IMPDH1: variants seen among roughly 807,000 people sequenced by gnomAD.
IMPDH1 encodes inosine monophosphate dehydrogenase 1.
IMPDH1 carries 41 observed loss-of-function variants against 73.5 expected under a neutral mutation model. The observed-to-expected ratio is 0.56, with a 90% confidence interval of 0.43 to 0.72. IMPDH1 has a LOEUF of 0.72. Ranked by LOEUF, IMPDH1 falls within the 30% of genes least tolerant of loss-of-function variation. The probability of loss-of-function intolerance (pLI) is 0.00; values close to 1 mark genes in which losing one functional copy is unlikely to be tolerated. For synonymous variants in IMPDH1, 318 were observed against 334.3 expected, an observed-to-expected ratio of 0.95 and a Z score of 0.53; for missense variants, 645 against 824.8, an observed-to-expected ratio of 0.78 and a Z score of 2.67.
At chr7:128,405,641 C>G (rs1306721556) in intron 4 of IMPDH1, 126 bp downstream of exon 4, 4 of 1,341,346 alleles carry the variant, frequency 3.0e-6, no homozygotes, top group Middle Eastern at 2.7e-4. Context: ...GTGCCCAGCC[C>G]CCAGCGCCCA....
chr7:128,403,616 C>T (rs1798492735), intron 5 of IMPDH1, 90 bp downstream of exon 5: 10 of 1,139,006 alleles, frequency 8.8e-6, no homozygotes, highest in Non-Finnish European at 1.2e-5. Context: ...AAAGTCTCTC[C>T]ATCTCTCCAT....
intron 4 of IMPDH1, 83 bp from the exon 5 acceptor site, chr7:128,403,837 G>T: frequency 8.2e-7 from 1 of 1,223,946 alleles, no homozygotes; most frequent in Non-Finnish European, 1.2e-6. Context: ...GGAGGCAGCA[G>T]GGGGGTACAG....
At chr7:128,403,285 G>A (rs560502532) in intron 5 of IMPDH1, among the ~76,000 whole-genome samples, 1 of 152,274 alleles carries the variant, frequency 6.6e-6, no homozygotes, top group East Asian at 1.9e-4. Context: ...ATACCAGCTG[G>A]GTGGAATCAC....
chr7:128,405,244 T>C (rs1218487796), intron 4 of IMPDH1, among the ~76,000 whole-genome samples: 2 of 152,130 alleles, frequency 1.3e-5, no homozygotes, highest in African/African-American at 4.8e-5. Context: ...AATTCGCGCC[T>C]TGGGAGGGGC....
rs1797924558 is a variant in IMPDH1 at position 128,396,527 on chromosome 7, ACTTGATATACAT to A, written c.1261+61_1261+72del. 8.8e-7 allele frequency: 1 copy of A among 1,136,674 alleles called. No individual in the cohort carries two copies. Among genetic ancestry groups the A allele is most frequent in the African/African-American group, 1.5e-5 (1 of 65,236 alleles). The allele number at this position is 1,136,674 out of a possible 1,614,324, so 70.4% of individuals were successfully genotyped here. ...CAGAACAGGGCCTGGCAGAGAGAGT[ACTTGATATACAT>A]CTGGGGAACAAAGGCGAGGCCCCGG... On this transcript the variant is annotated intron_variant, in intron 12 of 16. Transcript: ENST00000338791. This position sits in a 1 kb window ranked among gnomAD's most constrained non-coding sequence, Gnocchi z 4.0.
Position 128,396,543 on chromosome 7 carries a change from G to T in IMPDH1, c.1261+57C>A. On this transcript the variant is annotated intron_variant, in intron 12 of 16. Transcript: ENST00000338791. This position sits in a 1 kb window ranked among gnomAD's most constrained non-coding sequence, Gnocchi z 4.0. ...AGAGAGAGTACTTGATATACATCTG[G>T]GGAACAAAGGCGAGGCCCCGGGGCC... 1 of 1,263,474 alleles carries T rather than the reference G, an allele frequency of 7.9e-7. No homozygotes were observed. Among genetic ancestry groups the T allele is most frequent in the Non-Finnish European group, 1.1e-6 (1 of 885,976 alleles). 78.3% of individuals were successfully genotyped at this position (1,263,474 alleles called of 1,614,324 possible). A position where few individuals can be genotyped will look rare whatever the true frequency, so the allele number is the denominator to read the frequency against.
At chr7:128,401,226 A>T in intron 5 of IMPDH1, 110 bp from the exon 6 acceptor site, 1 of 771,000 alleles carries the variant, frequency 1.3e-6, no homozygotes, top group Non-Finnish European at 2.3e-6. Context: ...CATGGCAGTG[A>T]ACAAGGTGGA....
Position 128,400,075 on chromosome 7 carries a change from T to C in IMPDH1, c.874+20A>G, listed in dbSNP as rs747036621. ...AGGGAGTCAGGCTGGGGGTTGAGTT[T>C]TCAACTAGCTCCCTGGTACCTTTCT... On this transcript the variant is annotated intron_variant, in intron 9 of 16. Coordinates refer to ENST00000338791, the MANE Select transcript of IMPDH1 (RefSeq NM_000883.4). The C allele has an allele frequency of 6.3e-7, 1 of 1,588,690 alleles. No homozygotes were observed. Among genetic ancestry groups the C allele is most frequent in the Non-Finnish European group, 8.6e-7 (1 of 1,161,352 alleles).
rs949910731 is a variant in IMPDH1, at chr7:128,396,781, C to G, written c.1166-86G>C. 1.8e-5 allele frequency: 22 copies of G among 1,237,666 alleles called. No homozygotes were observed. The Admixed American group carries it at 3.4e-4, about 19-fold the overall frequency. The allele number at this position is 1,237,666 out of a possible 1,614,324, so 76.7% of individuals were successfully genotyped here. ...AGCCTCTTGGGACCCCAGTCTAGCA[C>G]CCCCCAACCCCCCTACAGTGACCAA... On this transcript the variant is annotated intron_variant, in intron 11 of 16. Coordinates refer to ENST00000338791, the MANE Select transcript of IMPDH1 (RefSeq NM_000883.4). The surrounding 1 kb of genome is among the most constrained non-coding windows in gnomAD (Gnocchi z 4.0).
intron 5 of IMPDH1, among the ~76,000 whole-genome samples, chr7:128,402,407 G>C (rs190095652): frequency 6.6e-6 from 1 of 152,308 alleles, no homozygotes; most frequent in Admixed American, 6.5e-5. Flanking sequence ...CCAGCTGGTA[G>C]GGGTCTTTTC....
In IMPDH1 at chr7:128,396,840, GC is replaced by G; in HGVS notation, c.1165+91del. 1 of 1,181,048 alleles carries G rather than the reference GC, an allele frequency of 8.5e-7. No homozygotes were observed. Among genetic ancestry groups the G allele is most frequent in the Non-Finnish European group, 1.3e-6 (1 of 795,416 alleles). The allele number at this position is 1,181,048 out of a possible 1,614,324, so 73.2% of individuals were successfully genotyped here. ...ATGCTCCCTGCCACCCATGCCAGGA[GC>G]CATACCATCACCTAGGGATGCTGAA... On this transcript the variant is annotated intron_variant, in intron 11 of 16. Coordinates refer to ENST00000338791, the MANE Select transcript of IMPDH1 (RefSeq NM_000883.4). The surrounding 1 kb of genome is among the most constrained non-coding windows in gnomAD (Gnocchi z 4.0).
rs563171526 is a variant in IMPDH1, at chr7:128,409,969, C to A, written c.-68G>T. ...CGGGGCCCCGGCTGGGCAGTGAGCGCAGCCCGGTCGAGTCCCGAGGAGGGG... is the reference window on the plus strand; with the variant it reads ...CGGGGCCCCGGCTGGGCAGTGAGCGAAGCCCGGTCGAGTCCCGAGGAGGGG... On this transcript the variant is annotated 5_prime_UTR_variant, in exon 1 of 17. Transcript: ENST00000338791. 60 of 1,285,612 alleles carry A rather than the reference C, an allele frequency of 4.7e-5. No individual in the cohort carries two copies. The African/African-American group carries it at 8.9e-4, about 19-fold the overall frequency. 79.6% of individuals were successfully genotyped at this position (1,285,612 alleles called of 1,614,324 possible).
chr7:128,403,882 T>G, intron 4 of IMPDH1, 128 bp from the exon 5 acceptor site: 1 of 800,564 alleles, frequency 1.2e-6, no homozygotes, highest in East Asian at 2.5e-5. Flanking sequence ...CAGCCCCCCA[T>G]CCCTACTGCC....
intron 3 of IMPDH1, among the ~76,000 whole-genome samples, chr7:128,407,480 G>A (rs949338890): frequency 9.2e-5 from 14 of 152,306 alleles, no homozygotes; most frequent in African/African-American, 2.4e-4. Flanking sequence ...CCAGGGGAGC[G>A]TCCTGAGGAG....
chr7:128,408,492 C>T (rs1798921049), intron 3 of IMPDH1, among the ~76,000 whole-genome samples: 1 of 152,058 alleles, frequency 6.6e-6, no homozygotes, highest in Admixed American at 6.6e-5. Flanking sequence ...GGAGGTCTGG[C>T]CAGCAGGTTT....
intron 16 of IMPDH1, among the ~76,000 whole-genome samples, chr7:128,393,259 T>C (rs1015537149): frequency 7.9e-5 from 12 of 152,208 alleles, no homozygotes; most frequent in African/African-American, 1.2e-4. Context: ...GCCATGCTCC[T>C]TTGGGCCATC....
chr7:128,402,291 T>C (rs1798394852), intron 5 of IMPDH1, among the ~76,000 whole-genome samples: 1 of 152,044 alleles, frequency 6.6e-6, no homozygotes. Flanking sequence ...TTAGTAGAGA[T>C]GGGGTTTCAC....
At position 128,399,189 on chromosome 7, in the gene IMPDH1, C is replaced by T. The variant is rs193051876; in HGVS notation, c.875-576G>A. Among the ~76,000 whole-genome samples, 757 of 151,740 alleles carry T rather than the reference C, an allele frequency of 5.0e-3. 2 individuals are homozygous for T. The highest frequency in any genetic ancestry group is 0.02 in the Middle Eastern group (6 of 294). ...GAACAGCCCGGCCAATATGGTGAAA[C>T]CCCATCTCTACTAAAAATACAAAAA... On this transcript the variant is annotated intron_variant, in intron 9 of 16. Transcript: ENST00000338791.
Position 128,400,305 on chromosome 7 carries a change from A to G in IMPDH1, c.786+28T>C, listed in dbSNP as rs746653066. The G allele has an allele frequency of 9.2e-5, 148 of 1,611,396 alleles. No individual in the cohort carries two copies. The Middle Eastern group carries it at 4.0e-3, about 43-fold the overall frequency. ...CAGCGTGAGGGTCCTCTCTACACCC[A>G]GCCCTGCTTCCCCTGCCCTGCAGGT... On this transcript the variant is annotated intron_variant, in intron 8 of 16. Coordinates refer to ENST00000338791, the MANE Select transcript of IMPDH1 (RefSeq NM_000883.4).
Sources: allele counts gnomAD v4.1 joint callset (sites outside exome capture counted in the v4.1 genomes callset), GRCh38; gene constraint gnomAD v4.1.1; non-coding constraint Gnocchi (gnomAD v3.1); transcripts MANE v1.5; gene names NCBI Gene and HGNC (gene_info 2026-07-23, HGNC 2026-07-21).